CFAP61: variants seen among roughly 807,000 people sequenced by gnomAD.
The protein encoded by CFAP61 is cilia and flagella associated protein 61.
Under a neutral mutation model 135.6 loss-of-function variants are expected in CFAP61, and 107 were observed. The ratio of observed to expected loss-of-function variants is 0.79; its 90% CI spans 0.67 to 0.93. The LOEUF (loss-of-function observed/expected upper bound fraction) is 0.93, where lower values mean the gene tolerates loss of function less well. CFAP61 is among the 40% of genes least tolerant of loss of function. The pLI is 0.00. For missense variants in CFAP61, 1,507 were observed against 1,556.2 expected (o/e 0.97, Z 0.53); for synonymous variants, 575 against 578.5 (o/e 0.99, Z 0.09).
chr20:20,291,473 A>G (rs192256675), intron 24 of CFAP61, among the ~76,000 whole-genome samples: 220 of 152,276 alleles, frequency 1.4e-3, no homozygotes, highest in Non-Finnish European at 2.7e-3. Flanking sequence ...AGCTTCCTCT[A>G]TATCTCTTCA....
chr20:20,252,396 G>A (rs1393519391), intron 20 of CFAP61, among the ~76,000 whole-genome samples: 2 of 152,186 alleles, frequency 1.3e-5, no homozygotes, highest in African/African-American at 4.8e-5. Flanking sequence ...GTTTACAGCA[G>A]TAAGGTATTT....
chr20:20,059,204 C>T (rs1221282156), intron 2 of CFAP61, among the ~76,000 whole-genome samples: 2 of 151,396 alleles, frequency 1.3e-5, no homozygotes, highest in African/African-American at 4.9e-5. Flanking sequence ...AGCGCGCACT[C>T]TGTAGTCCCA....
chr20:20,177,714 G>A (rs2054741134), intron 13 of CFAP61, among the ~76,000 whole-genome samples: 1 of 150,732 alleles, frequency 6.6e-6, no homozygotes, highest in Non-Finnish European at 1.5e-5. Flanking sequence ...AGATGTAAAG[G>A]AAAGAGATCA....
At chr20:20,349,493 A>G (rs1193372920) in intron 26 of CFAP61, among the ~76,000 whole-genome samples, 4 of 152,178 alleles carry the variant, frequency 2.6e-5, no homozygotes, top group Non-Finnish European at 4.4e-5. Flanking sequence ...TTCATGAGGG[A>G]TCCTCCCTAA....
intron 15 of CFAP61, among the ~76,000 whole-genome samples, chr20:20,194,880 A>G (rs971962109): frequency 1.3e-5 from 2 of 152,204 alleles, no homozygotes; most frequent in African/African-American, 2.4e-5. Flanking sequence ...TACACCAAAA[A>G]TAATTTTTGT....
chr20:20,139,563 C>T (rs2051206541), intron 8 of CFAP61, among the ~76,000 whole-genome samples: 1 of 152,194 alleles, frequency 6.6e-6, no homozygotes, highest in African/African-American at 2.4e-5. Context: ...AGGATAGCAC[C>T]TCTTATTTGA....
intron 8 of CFAP61, among the ~76,000 whole-genome samples, chr20:20,117,966 A>G (rs1169986463): frequency 6.6e-6 from 1 of 152,104 alleles, no homozygotes; most frequent in African/African-American, 2.4e-5. Context: ...GAATTTATTT[A>G]TTAGTTCTGA....
At chr20:20,346,235 A>G (rs1403020790) in intron 26 of CFAP61, among the ~76,000 whole-genome samples, 1 of 146,960 alleles carries the variant, frequency 6.8e-6, no homozygotes, top group African/African-American at 2.5e-5. Flanking sequence ...GGGAGACAAG[A>G]GCAAAACTCT....
intron 8 of CFAP61, among the ~76,000 whole-genome samples, chr20:20,129,013 CTAT>C (rs906630687): frequency 2.0e-4 from 31 of 151,258 alleles, no homozygotes; most frequent in Non-Finnish European, 4.1e-4. Context: ...ATTGTTATAA[CTAT>C]TATTATAATA....
At chr20:20,247,175 T>C (rs1358321900) in intron 19 of CFAP61, among the ~76,000 whole-genome samples, 1 of 152,218 alleles carries the variant, frequency 6.6e-6, no homozygotes, top group East Asian at 1.9e-4. Context: ...AAAATTAACA[T>C]AACACCAACT....
intron 18 of CFAP61, among the ~76,000 whole-genome samples, chr20:20,230,690 G>A (rs945042673): frequency 6.6e-6 from 1 of 152,126 alleles, no homozygotes; most frequent in Non-Finnish European, 1.5e-5. Context: ...CAAGTAGCTG[G>A]TACTACAGGT....
chr20:20,189,126 C>A (rs2055726145), intron 14 of CFAP61, among the ~76,000 whole-genome samples: 1 of 152,064 alleles, frequency 6.6e-6, no homozygotes. Context: ...TGGAAAAAAA[C>A]CTTTTAGTTA....
intron 24 of CFAP61, among the ~76,000 whole-genome samples, chr20:20,296,095 T>C (rs1447078376): frequency 3.6e-5 from 1 of 27,686 alleles, no homozygotes; most frequent in African/African-American, 1.4e-4. Context: ...CCTTCTTTCC[T>C]TCCTTCCTTC....
chr20:20,293,880 G>C (rs938725032), intron 24 of CFAP61, among the ~76,000 whole-genome samples: 8 of 152,188 alleles, frequency 5.3e-5, no homozygotes, highest in Non-Finnish European at 1.2e-4. Context: ...CATCATGAGA[G>C]CTGGGAACTT....
At chr20:20,326,863 C>T (rs913715423) in intron 25 of CFAP61, among the ~76,000 whole-genome samples, 6 of 152,170 alleles carry the variant, frequency 3.9e-5, no homozygotes, top group African/African-American at 1.4e-4. Flanking sequence ...TTAACTGAGT[C>T]TGAATTGAAG....
At chr20:20,329,922 A>G (rs906170668) in intron 25 of CFAP61, among the ~76,000 whole-genome samples, 3 of 152,356 alleles carry the variant, frequency 2.0e-5, no homozygotes, top group Admixed American at 6.5e-5. Flanking sequence ...ACAGTATTGT[A>G]CCGTATTGTG....
At chr20:20,326,332 T>C (rs2057747154) in intron 25 of CFAP61, among the ~76,000 whole-genome samples, 2 of 152,214 alleles carry the variant, frequency 1.3e-5, no homozygotes, top group South Asian at 4.1e-4. Flanking sequence ...AGGTTGGAAT[T>C]TTTACATAAT....
chr20:20,274,042 C>T, intron 21 of CFAP61, among the ~76,000 whole-genome samples: 1 of 152,084 alleles, frequency 6.6e-6, no homozygotes, highest in Non-Finnish European at 1.5e-5. Context: ...CTGGAGGGGG[C>T]CCCAAAATAT....
chr20:20,164,428 G>A (rs1480366565), intron 11 of CFAP61, among the ~76,000 whole-genome samples, 200 bp downstream of exon 11: 2 of 152,136 alleles, frequency 1.3e-5, no homozygotes, highest in Non-Finnish European at 2.9e-5. Context: ...TACAGAAGTG[G>A]GCTAGAAATC....
Sources: gnomAD v4.1 joint callset for allele counts (sites outside exome capture counted in the v4.1 genomes callset) on GRCh38, gnomAD v4.1.1 for gene constraint, MANE v1.5 for transcripts, NCBI Gene and HGNC (gene_info 2026-07-23, HGNC 2026-07-21) for gene names.